The following NIPBL variants were observed in gnomAD, a reference collection of about 807,000 sequenced individuals.
NIPBL encodes the protein nipped-B-like protein.
NIPBL carries 19 observed loss-of-function variants against 321.8 expected under a neutral mutation model. The ratio of observed to expected loss-of-function variants is 0.06; its 90% CI spans 0.04 to 0.09. The LOEUF is 0.09. Among genes scored for constraint, NIPBL ranks in the 10% least tolerant of loss-of-function variants. The pLI, the probability that NIPBL is intolerant of heterozygous loss-of-function variation, is 1.00. For missense variants in NIPBL, 2,210 were observed against 3,327.0 expected, an observed-to-expected ratio of 0.66 and a Z score of 8.26; for synonymous variants, 1,106 against 1,114.1, an observed-to-expected ratio of 0.99 and a Z score of 0.14.
chr5:36,903,168 A>T (rs2149536553), intron 1 of NIPBL, among the ~76,000 whole-genome samples: 1 of 152,314 alleles, frequency 6.6e-6, no homozygotes, highest in South Asian at 2.1e-4. Flanking sequence ...GTTCTTGAAT[A>T]GAGACTGTGG....
At chr5:37,033,705 C>CACACATATAT (rs1415570935) in intron 32 of NIPBL, among the ~76,000 whole-genome samples, 1 of 80,266 alleles carries the variant, frequency 1.2e-5, no homozygotes. Context: ...CACACACACA[C>CACACATATAT]ATATATATAT....
chr5:36,895,610 C>A (rs542517999), intron 1 of NIPBL, among the ~76,000 whole-genome samples: 1 of 152,134 alleles, frequency 6.6e-6, no homozygotes. Context: ...GTCTTTACAT[C>A]CTCACCAACA....
At chr5:36,932,778 G>GTTTTTTT (rs35264312) in intron 1 of NIPBL, among the ~76,000 whole-genome samples, 3 of 69,838 alleles carry the variant, frequency 4.3e-5, no homozygotes, top group Non-Finnish European at 7.9e-5. Context: ...TTCCTCTGCT[G>GTTTTTTT]TTTTTTTTTT....
Position 36,952,053 on chromosome 5 carries a change from T to TGTGTGTGTGTGCGCGC in NIPBL, c.-79-1564_-79-1563insTGTGTGTGTGCGCGCG, listed in dbSNP as rs778597604. 1.1e-3 allele frequency among the ~76,000 whole-genome samples: 118 copies of TGTGTGTGTGTGCGCGC among 112,196 alleles called. 1 individual carries two copies. The highest frequency in any genetic ancestry group is 3.5e-3 in the East Asian group (10 of 2,854). 73.6% of individuals were successfully genotyped at this position (112,196 alleles called of 152,430 possible). A position where few individuals can be genotyped will look rare whatever the true frequency, so the allele number is the denominator to read the frequency against. On this transcript the variant is annotated intron_variant, in intron 1 of 46. Coordinates refer to ENST00000282516, the MANE Select transcript of NIPBL (RefSeq NM_133433.4). ...GTGTGTGTGTGTGTGTGTGTGTGTGTGCGCGCGCGCGCGCGCGCGCATGTG... is the reference window on the plus strand; with the variant it reads ...GTGTGTGTGTGTGTGTGTGTGTGTGTGTGTGTGTGTGCGCGCGCGCGCGCGCGCGCGCGCGCATGTG...
At chr5:37,033,728 A>T (rs59970052) in intron 32 of NIPBL, among the ~76,000 whole-genome samples, 1,100 of 47,794 alleles carry the variant, frequency 0.023, 20 homozygotes, top group Non-Finnish European at 0.026. Context: ...ATATATATAT[A>T]TATTTTTTTT....
At chr5:36,901,969 T>TCAAAA (rs1339223621) in intron 1 of NIPBL, among the ~76,000 whole-genome samples, 6 of 152,334 alleles carry the variant, frequency 3.9e-5, no homozygotes, top group Non-Finnish European at 8.8e-5. Flanking sequence ...TGCAATGGTG[T>TCAAAA]CTCATTGTGG....
rs913925728 is a variant in NIPBL, at chr5:37,066,165, T to C, written c.*1273T>C. The C allele has an allele frequency of 1.3e-5, 2 of 152,330 alleles. No homozygotes were observed. The highest frequency in any genetic ancestry group is 4.8e-5 in the African/African-American group (2 of 41,596). The allele number at this position is 152,330 out of a possible 1,614,324, so 9.4% of individuals were successfully genotyped here. A position where few individuals can be genotyped will look rare whatever the true frequency, so the allele number is the denominator to read the frequency against. On this transcript the variant is annotated 3_prime_UTR_variant, in exon 47 of 47. Transcript: ENST00000282516. Reference sequence around the variant, plus strand: ...TTGACTAAATCAGGAGGGAGGTGTTTAATCATTTGATATGTATAGTTGACA... The same window carrying C: ...TTGACTAAATCAGGAGGGAGGTGTTCAATCATTTGATATGTATAGTTGACA...
At position 37,065,177 on chromosome 5, in the gene NIPBL, A is replaced by G. The variant is rs1441092990; in HGVS notation, c.*285A>G. 3 of 434,960 alleles carry G rather than the reference A, an allele frequency of 6.9e-6. No homozygotes were observed. The highest frequency in any genetic ancestry group is 1.3e-5 in the Non-Finnish European group (3 of 239,490). 26.9% of individuals were successfully genotyped at this position (434,960 alleles called of 1,614,324 possible). ...ACTTTCTGTTTAAAAAAAATAAACAAGTGAATGTTGGAAATTAGTCTGTTA... is the reference window on the plus strand; with the variant it reads ...ACTTTCTGTTTAAAAAAAATAAACAGGTGAATGTTGGAAATTAGTCTGTTA... On this transcript the variant is annotated 3_prime_UTR_variant, in exon 47 of 47. Coordinates refer to ENST00000282516, the MANE Select transcript of NIPBL (RefSeq NM_133433.4).
At chr5:37,062,117 T>A (rs779329859) in intron 45 of NIPBL, among the ~76,000 whole-genome samples, 2 of 152,256 alleles carry the variant, frequency 1.3e-5, no homozygotes, top group Non-Finnish European at 2.9e-5. Flanking sequence ...ATTACAGGCA[T>A]GAGCCACCAT....
At position 36,941,026 on chromosome 5, in the gene NIPBL, A is replaced by G. The variant is rs1739005772; in HGVS notation, c.-79-12592A>G. ...TCCTCAACAACTGCTGGTTGTCCCTATTGTAGGTGTTAGGTATTAAGTGCA... is the reference window on the plus strand; with the variant it reads ...TCCTCAACAACTGCTGGTTGTCCCTGTTGTAGGTGTTAGGTATTAAGTGCA... On this transcript the variant is annotated intron_variant, in intron 1 of 46. Transcript: ENST00000282516. Among the ~76,000 whole-genome samples, 3 of 152,136 alleles carry G rather than the reference A, an allele frequency of 2.0e-5. 1 individual carries two copies. The highest frequency in any genetic ancestry group is 4.8e-5 in the African/African-American group (2 of 41,434).
chr5:36,944,898 C>T (rs1257561328), intron 1 of NIPBL, among the ~76,000 whole-genome samples: 1 of 152,074 alleles, frequency 6.6e-6, no homozygotes, highest in Non-Finnish European at 1.5e-5. Flanking sequence ...TTTGGTCAAA[C>T]GTTGAGATCT....
At chr5:37,020,321 T>A (rs1252671005) in intron 25 of NIPBL, 138 bp from the exon 26 acceptor site, 4 of 677,422 alleles carry the variant, frequency 5.9e-6, no homozygotes, top group Admixed American at 2.7e-5. Context: ...TTTCTTAAAA[T>A]CTGTTTTTAT....
intron 1 of NIPBL, among the ~76,000 whole-genome samples, chr5:36,905,319 CAGG>C (rs1747550071): frequency 6.6e-6 from 1 of 152,160 alleles, no homozygotes; most frequent in Non-Finnish European, 1.5e-5. Context: ...GGTTCTGACG[CAGG>C]AGTTTTTTCC....
chr5:36,884,574 C>T (rs1182709056), intron 1 of NIPBL, among the ~76,000 whole-genome samples: 3 of 152,100 alleles, frequency 2.0e-5, no homozygotes, highest in African/African-American at 4.8e-5. Context: ...TTCCTATATT[C>T]GTCAGCCATA....
intron 1 of NIPBL, among the ~76,000 whole-genome samples, chr5:36,910,653 C>T: frequency 6.6e-6 from 1 of 152,064 alleles, no homozygotes; most frequent in African/African-American, 2.4e-5. Context: ...GCAATTTGTA[C>T]CTCTTTACTC....
rs375510491 is a variant in NIPBL, at chr5:36,985,171, A to G, written c.1991A>G (p.Asn664Ser). 2 of 1,613,984 alleles carry G rather than the reference A, an allele frequency of 1.2e-6. No individual in the cohort carries two copies. The highest frequency in any genetic ancestry group is 8.5e-7 in the Non-Finnish European group (1 of 1,179,976). ...NESRTTECKQ[N>S]ESTIVEPKQN... ...AGCAGAACAACTGAATGCAAACAAA[A>G]CGAGAGCACCATAGTTGAGCCTAAA... Residue 664 changes from asparagine (N) to serine (S), a missense_variant, in exon 10 of 47, where the codon AAC becomes AGC. By Grantham distance (46) the Asn-to-Ser change is conservative. Around this residue, in one of 14 missense-constraint regions of NIPBL, gnomAD observed 588 missense variants for 564.1 expected, o/e 1.04. Transcript: ENST00000282516.
intron 32 of NIPBL, among the ~76,000 whole-genome samples, chr5:37,034,106 A>G (rs1751431928): frequency 6.6e-6 from 1 of 152,160 alleles, no homozygotes; most frequent in South Asian, 2.1e-4. Context: ...TAGGCATTTC[A>G]TGGAGAAAAT....
intron 30 of NIPBL, among the ~76,000 whole-genome samples, chr5:37,024,924 A>G (rs867910088): frequency 2.6e-5 from 4 of 152,128 alleles, no homozygotes; most frequent in Non-Finnish European, 4.4e-5. Flanking sequence ...TAACCAACCA[A>G]TTCCTCAGTG....
rs1394378576 is a variant in NIPBL at position 37,022,125 on chromosome 5, T to C, written c.5403T>C (p.Ala1801=). The C allele has an allele frequency of 3.7e-6, 6 of 1,614,098 alleles. No individual in the cohort carries two copies. Among genetic ancestry groups the C allele is most frequent in the Admixed American group, 1.7e-5 (1 of 60,010 alleles). The part of the protein sequence containing the change: ...KAMKCLSEVV[A]VDPSILARLD... ...TGAAGTGTTTGTCTGAGGTTGTTGCTGTAGACCCCAGTATTCTAGCAAGGG... is the reference window on the plus strand; with the variant it reads ...TGAAGTGTTTGTCTGAGGTTGTTGCCGTAGACCCCAGTATTCTAGCAAGGG... The change falls in exon 28 of 47, where the codon GCT becomes GCC. Residue 1801 remains alanine, a synonymous_variant. Coordinates refer to ENST00000282516, the MANE Select transcript of NIPBL (RefSeq NM_133433.4).
Sources: gnomAD v4.1 joint callset for allele counts (sites outside exome capture counted in the v4.1 genomes callset) on GRCh38, gnomAD v4.1.1 for gene constraint, gnomAD v4.1.1 regional missense constraint, MANE v1.5 for transcripts, NCBI Gene and HGNC (gene_info 2026-07-23, HGNC 2026-07-21) for gene names.